Variants in ZNF385D observed in about 807,000 individuals in gnomAD.
The protein encoded by ZNF385D is zinc finger protein 659.
ZNF385D carries 15 observed loss-of-function variants against 35.8 expected under a neutral mutation model. That is an observed-to-expected ratio of 0.42 (90% CI 0.28 to 0.64). The LOEUF is 0.64. Ranked by LOEUF, ZNF385D falls within the 30% of genes least tolerant of loss-of-function variation. The probability of loss-of-function intolerance (pLI) is 0.23; values close to 1 mark genes in which losing one functional copy is unlikely to be tolerated. For missense variants in ZNF385D, 474 were observed against 494.6 expected, an observed-to-expected ratio of 0.96 and a Z score of 0.39; for synonymous variants, 212 against 186.8, an observed-to-expected ratio of 1.13 and a Z score of -1.10.
At chr3:21,501,738 T>G (rs1706384272) in intron 4 of ZNF385D, among the ~76,000 whole-genome samples, 1 of 152,206 alleles carries the variant, frequency 6.6e-6, no homozygotes, top group South Asian at 2.1e-4. Context: ...TGTAAGCTTA[T>G]GTCTACTCAA....
At chr3:21,544,889 G>A (rs918446596) in intron 3 of ZNF385D, among the ~76,000 whole-genome samples, 2 of 152,232 alleles carry the variant, frequency 1.3e-5, no homozygotes, top group East Asian at 1.9e-4. Flanking sequence ...CTGGCTTTGC[G>A]AATACTTCAG....
intron 2 of ZNF385D, among the ~76,000 whole-genome samples, chr3:22,217,621 A>G (rs1366437987): frequency 6.6e-6 from 1 of 152,168 alleles, no homozygotes; most frequent in Non-Finnish European, 1.5e-5. Flanking sequence ...ATTTGTAGAT[A>G]TTTTGTGTTA....
At chr3:21,644,004 G>A (rs1177104967) in intron 2 of ZNF385D, among the ~76,000 whole-genome samples, 3 of 152,094 alleles carry the variant, frequency 2.0e-5, no homozygotes, top group Non-Finnish European at 4.4e-5. Context: ...AGAACAGGAT[G>A]TCTCCTGCCC....
chr3:21,936,661 G>T lies in ZNF385D; in HGVS notation c.325+232156C>A, dbSNP rs1215888780. On this transcript the variant is annotated intron_variant, in intron 3 of 5. Coordinates refer to the ZNF385D transcript ENST00000494108. ...GACATAAACTTCATCTTATTTTACA[G>T]CCATGTATACCCAGTTATTAGCATA... Among the ~76,000 whole-genome samples, 4 of 151,912 alleles carry T rather than the reference G, an allele frequency of 2.6e-5. No homozygotes were observed. In the South Asian group the frequency reaches 8.3e-4, roughly 32 times the overall value.
chr3:21,454,743 G>A (rs1289172613), intron 4 of ZNF385D, among the ~76,000 whole-genome samples: 2 of 152,110 alleles, frequency 1.3e-5, no homozygotes, highest in South Asian at 2.1e-4. Flanking sequence ...GGCCAGGGAA[G>A]TCAGGCAGGA....
intron 3 of ZNF385D, among the ~76,000 whole-genome samples, chr3:22,019,235 T>A (rs1576163952): frequency 1.3e-5 from 2 of 151,622 alleles, no homozygotes; most frequent in African/African-American, 4.8e-5. Flanking sequence ...AGAAAGGCAT[T>A]CTCACCTTAT....
intron 3 of ZNF385D, among the ~76,000 whole-genome samples, chr3:22,130,257 T>G (rs945348513): frequency 6.6e-6 from 1 of 152,116 alleles, no homozygotes; most frequent in African/African-American, 2.4e-5. Flanking sequence ...CTGCCTAAAG[T>G]TGGGAGAAGG....
intron 3 of ZNF385D, among the ~76,000 whole-genome samples, chr3:21,857,840 G>A (rs12487689): frequency 0.23 from 35,352 of 151,444 alleles, 4,583 homozygotes; most frequent in Admixed American, 0.28. Flanking sequence ...AGGATGAAAC[G>A]ATCTGAGGGA....
intron 3 of ZNF385D, among the ~76,000 whole-genome samples, chr3:21,882,975 T>G (rs1698355301): frequency 6.6e-6 from 1 of 152,092 alleles, no homozygotes; most frequent in Middle Eastern, 3.4e-3. Context: ...AGTATATAAT[T>G]TGACTCCTCA....
intron 2 of ZNF385D, among the ~76,000 whole-genome samples, chr3:21,565,887 T>C (rs1375291578): frequency 6.6e-6 from 1 of 152,202 alleles, no homozygotes; most frequent in African/African-American, 2.4e-5. Context: ...CTCTCTAATA[T>C]TCACCTTCTG....
At chr3:22,270,776 G>A (rs1393871004) in intron 2 of ZNF385D, among the ~76,000 whole-genome samples, 2 of 151,718 alleles carry the variant, frequency 1.3e-5, no homozygotes, top group Admixed American at 6.6e-5. Context: ...ATCTTACCCC[G>A]ACTTTATTTT....
intron 3 of ZNF385D, among the ~76,000 whole-genome samples, chr3:22,040,568 TCA>T (rs2125503037): frequency 6.6e-6 from 1 of 152,306 alleles, no homozygotes; most frequent in East Asian, 1.9e-4. Flanking sequence ...ATAATGATAA[TCA>T]CACATTTTCT....
chr3:21,738,667 T>C (rs561043227), intron 1 of ZNF385D, among the ~76,000 whole-genome samples: 1 of 152,298 alleles, frequency 6.6e-6, no homozygotes, highest in South Asian at 2.1e-4. Context: ...TACTAATCAC[T>C]TGGCCTCTAT....
chr3:22,240,674 C>G (rs1257468987), intron 2 of ZNF385D, among the ~76,000 whole-genome samples: 2 of 150,958 alleles, frequency 1.3e-5, no homozygotes, highest in East Asian at 2.0e-4. Context: ...CCTCTTGATC[C>G]TCTTGCTTCC....
At chr3:22,115,644 A>G (rs188363742) in intron 3 of ZNF385D, among the ~76,000 whole-genome samples, 130 of 152,200 alleles carry the variant, frequency 8.5e-4, no homozygotes, top group African/African-American at 1.2e-3. Context: ...GTTGAATCTC[A>G]TAAGATTCCA....
At chr3:21,604,055 C>T (rs2064402113) in intron 2 of ZNF385D, among the ~76,000 whole-genome samples, 1 of 152,144 alleles carries the variant, frequency 6.6e-6, no homozygotes, top group South Asian at 2.1e-4. Flanking sequence ...CGAGTAACTG[C>T]AAGCAGAACT....
chr3:22,163,929 C>A (rs1559419617), intron 3 of ZNF385D, among the ~76,000 whole-genome samples: 1 of 152,124 alleles, frequency 6.6e-6, no homozygotes, highest in African/African-American at 2.4e-5. Flanking sequence ...TTTACAGGAT[C>A]TATTATTTGT....
chr3:22,180,914 C>CTTTTGTTCTTTTTTTTTTT (rs1695209879), intron 2 of ZNF385D, among the ~76,000 whole-genome samples: 5 of 112,966 alleles, frequency 4.4e-5, no homozygotes, highest in African/African-American at 2.1e-4. Flanking sequence ...TGCTTTTGTT[C>CTTTTGTTCTTTTTTTTTTT]TTTTTTTTTT....
intron 3 of ZNF385D, among the ~76,000 whole-genome samples, chr3:22,046,008 G>A (rs918633242): frequency 1.3e-5 from 2 of 152,112 alleles, no homozygotes; most frequent in African/African-American, 4.8e-5. Flanking sequence ...CTGAATGACT[G>A]AACATTACTG....
Sources: allele counts gnomAD v4.1 joint callset (sites outside exome capture counted in the v4.1 genomes callset), GRCh38; gene constraint gnomAD v4.1.1; transcripts MANE v1.5; gene names NCBI Gene and HGNC (gene_info 2026-07-23, HGNC 2026-07-21).